Variants in MAGI1 observed in about 807,000 individuals in gnomAD.
MAGI1 encodes membrane associated guanylate kinase, WW and PDZ domain containing 1.
MAGI1 carries 58 observed loss-of-function variants against 139.9 expected under a neutral mutation model. The ratio of observed to expected loss-of-function variants is 0.41; its 90% CI spans 0.34 to 0.52. The LOEUF is 0.52. Ranked by LOEUF, MAGI1 falls within the 20% of genes least tolerant of loss-of-function variation. MAGI1 has a pLI of 0.12. For synonymous variants in MAGI1, 812 were observed against 737.9 expected, an observed-to-expected ratio of 1.10 and a Z score of -1.63; for missense variants, 1,874 against 1,901.6, an observed-to-expected ratio of 0.99 and a Z score of 0.27.
intron 1 of MAGI1, among the ~76,000 whole-genome samples, chr3:65,810,619 T>G (rs761166700): frequency 2.6e-5 from 4 of 152,198 alleles, no homozygotes; most frequent in Non-Finnish European, 5.9e-5. Context: ...AAAGGTTTCA[T>G]CTCTGTCAGG....
chr3:65,921,841 G>C (rs1223732171), intron 1 of MAGI1, among the ~76,000 whole-genome samples: 1 of 151,822 alleles, frequency 6.6e-6, no homozygotes, highest in Non-Finnish European at 1.5e-5. Context: ...AGGAGGTTGA[G>C]GCTGCAGTGA....
At chr3:65,419,245 C>CATACACACACACA (rs1553641803) in intron 12 of MAGI1, among the ~76,000 whole-genome samples, 1 of 149,696 alleles carries the variant, frequency 6.7e-6, no homozygotes, top group Non-Finnish European at 1.5e-5. Context: ...CACACACACA[C>CATACACACACACA]AAGTGTATGA....
intron 1 of MAGI1, among the ~76,000 whole-genome samples, chr3:65,879,993 G>A (rs983892373): frequency 1.3e-5 from 2 of 152,194 alleles, no homozygotes. Flanking sequence ...GGGCTCAGTG[G>A]CTCACGCCTG....
chr3:65,854,052 G>T (rs747340144), intron 1 of MAGI1, among the ~76,000 whole-genome samples: 3 of 151,918 alleles, frequency 2.0e-5, no homozygotes, highest in Non-Finnish European at 4.4e-5. Context: ...AGGTTGCAGT[G>T]AGCCAAGATC....
intron 5 of MAGI1, 152 bp downstream of exon 5, chr3:65,470,131 T>C (rs1033109836): frequency 2.7e-4 from 161 of 585,856 alleles, no homozygotes; most frequent in Non-Finnish European, 4.5e-4. Context: ...ATTAATTACC[T>C]TTTTATGCAA....
At chr3:65,514,382 T>A (rs1237248992) in intron 2 of MAGI1, among the ~76,000 whole-genome samples, 1 of 76,838 alleles carries the variant, frequency 1.3e-5, no homozygotes, top group Non-Finnish European at 2.7e-5. Context: ...ACCTACAAAA[T>A]GGGAGAAAAT....
At chr3:65,567,700 G>A (rs2080736746) in intron 2 of MAGI1, among the ~76,000 whole-genome samples, 1 of 152,066 alleles carries the variant, frequency 6.6e-6, no homozygotes, top group Admixed American at 6.6e-5. Context: ...GCTGGGCGTG[G>A]CAGCACACAC....
chr3:65,512,641 A>C (rs2077657530), intron 2 of MAGI1, among the ~76,000 whole-genome samples: 1 of 151,964 alleles, frequency 6.6e-6, no homozygotes, highest in Non-Finnish European at 1.5e-5. Context: ...CAATAACAGG[A>C]GCTGAAATTG....
intron 2 of MAGI1, among the ~76,000 whole-genome samples, chr3:65,515,114 T>C (rs1163283228): frequency 8.2e-6 from 1 of 122,128 alleles, no homozygotes; most frequent in African/African-American, 3.2e-5. Context: ...AACAATGAGA[T>C]CACATGGACA....
chr3:65,687,563 C>T (rs2088164849), intron 1 of MAGI1: 1 of 376,086 alleles, frequency 2.7e-6, no homozygotes, highest in Non-Finnish European at 5.4e-6. Context: ...GATTGACAAT[C>T]TGTGGCTCCA....
chr3:65,369,342 G>C (rs571793014), intron 18 of MAGI1, among the ~76,000 whole-genome samples: 5 of 152,240 alleles, frequency 3.3e-5, no homozygotes, highest in African/African-American at 1.2e-4. Context: ...ACTGAGATGA[G>C]TGAAACTGCA....
chr3:65,450,038 T>C (rs1362795654), intron 6 of MAGI1, among the ~76,000 whole-genome samples: 2 of 152,142 alleles, frequency 1.3e-5, no homozygotes, highest in Non-Finnish European at 2.9e-5. Flanking sequence ...TCAATAACTA[T>C]TGTGAAATAT....
chr3:65,690,613 A>G (rs531761556), intron 1 of MAGI1, among the ~76,000 whole-genome samples: 109 of 136,338 alleles, frequency 8.0e-4, no homozygotes, highest in Non-Finnish European at 1.2e-3. Context: ...AATAGCTGCC[A>G]CCATGCCCGG....
At chr3:65,682,249 C>A (rs72908157) in intron 1 of MAGI1, among the ~76,000 whole-genome samples, 8 of 152,198 alleles carry the variant, frequency 5.3e-5, no homozygotes, top group African/African-American at 1.9e-4. Flanking sequence ...AGCAGCCCAG[C>A]CCTTGACTAG....
intron 1 of MAGI1, among the ~76,000 whole-genome samples, chr3:65,778,451 A>AAAAAAAAAAAAAAAAAG (rs1180962724): frequency 1.6e-4 from 10 of 61,412 alleles, no homozygotes; most frequent in South Asian, 4.1e-4. Context: ...AAAATAAATA[A>AAAAAAAAAAAAAAAAAG]ATAAGTCTTT....
At position 66,020,417 on chromosome 3, in the gene MAGI1, G is replaced by A. The variant is rs538570626; in HGVS notation, c.313+17579C>T. Among the ~76,000 whole-genome samples, 450 of 152,202 alleles carry A rather than the reference G, an allele frequency of 3.0e-3. 3 individuals carry two copies. Among genetic ancestry groups the A allele is most frequent in the Non-Finnish European group, 5.0e-3 (340 of 68,012 alleles). On this transcript the variant is annotated intron_variant, in intron 1 of 22. Coordinates refer to ENST00000402939, the MANE Select transcript of MAGI1 (RefSeq NM_001033057.2). ...TACACTCCAGCCTCGGTGACAGAGC[G>A]AGACTCTATCTCAAAAAGAAGAGCC...
At chr3:65,747,378 A>G (rs1249428404) in intron 1 of MAGI1, among the ~76,000 whole-genome samples, 2 of 152,314 alleles carry the variant, frequency 1.3e-5, no homozygotes, top group Non-Finnish European at 2.9e-5. Flanking sequence ...CAGCTGCCCT[A>G]CATTAAACCA....
At chr3:65,637,803 A>C (rs2084732198) in intron 1 of MAGI1, among the ~76,000 whole-genome samples, 1 of 152,108 alleles carries the variant, frequency 6.6e-6, no homozygotes, top group African/African-American at 2.4e-5. Context: ...CTGCTCCATC[A>C]GTGTCTGTTC....
chr3:65,359,629 AT>A, intron 22 of MAGI1: 1 of 993,234 alleles, frequency 1.0e-6, no homozygotes, highest in Non-Finnish European at 1.2e-6. Flanking sequence ...AACTTAACAT[AT>A]TATAACCCAT....
Sources: gnomAD v4.1 joint callset for allele counts (sites outside exome capture counted in the v4.1 genomes callset) on GRCh38, gnomAD v4.1.1 for gene constraint, MANE v1.5 for transcripts, NCBI Gene and HGNC (gene_info 2026-07-23, HGNC 2026-07-21) for gene names.